SCML2: variants seen among roughly 807,000 people sequenced by gnomAD.
The protein encoded by SCML2 is sex comb on midleg-like protein 2.
Under a neutral mutation model 48.4 loss-of-function variants are expected in SCML2, and 6 were observed. The ratio of observed to expected loss-of-function variants is 0.12; its 90% CI spans 0.07 to 0.24. SCML2 has a LOEUF of 0.24. SCML2 is among the 10% of genes least tolerant of loss of function. The pLI, the probability that SCML2 is intolerant of heterozygous loss-of-function variation, is 1.00. For missense variants in SCML2, 377 were observed against 528.2 expected (o/e 0.71, Z 2.81); for synonymous variants, 181 against 189.5 (o/e 0.95, Z 0.37).
chrX:18,290,929 T>C (rs891447206), intron 7 of SCML2, among the ~76,000 whole-genome samples: 3 of 111,319 alleles, frequency 2.7e-5, no homozygotes, highest in African/African-American at 9.8e-5. Flanking sequence ...CTCCTATAAG[T>C]ATATATGCAC....
At chrX:18,267,243 G>T (rs774435881) in intron 7 of SCML2, among the ~76,000 whole-genome samples, 2 of 111,481 alleles carry the variant, frequency 1.8e-5, no homozygotes, top group Admixed American at 1.9e-4. Flanking sequence ...CAAACCAACT[G>T]ATCAGGCTTT....
At chrX:18,248,672 CTTTAG>C (rs1926538034) in intron 11 of SCML2, among the ~76,000 whole-genome samples, 1 of 111,848 alleles carries the variant, frequency 8.9e-6, no homozygotes, top group Non-Finnish European at 1.9e-5. Flanking sequence ...GCTCTTACCA[CTTTAG>C]TTTCATTTTT....
chrX:18,344,710 C>T (rs1266544499), intron 1 of SCML2, among the ~76,000 whole-genome samples: 1 of 111,663 alleles, frequency 9.0e-6, no homozygotes, highest in Non-Finnish European at 1.9e-5. Flanking sequence ...TGTGAGGCCT[C>T]CCTAGCTAGG....
chrX:18,246,069 G>C (rs759797025), intron 13 of SCML2, among the ~76,000 whole-genome samples: 6 of 112,151 alleles, frequency 5.3e-5, no homozygotes, highest in African/African-American at 1.9e-4. Flanking sequence ...ATGGCAACAG[G>C]ATATTGCCCT....
At chrX:18,351,552 T>C (rs1197908194) in intron 1 of SCML2, among the ~76,000 whole-genome samples, 2 of 108,922 alleles carry the variant, frequency 1.8e-5, no homozygotes, top group Non-Finnish European at 3.8e-5. Flanking sequence ...AATATGACTA[T>C]GAGGAGACAG....
intron 6 of SCML2, among the ~76,000 whole-genome samples, chrX:18,310,282 T>C (rs1422872019): frequency 1.0e-5 from 1 of 97,479 alleles, no homozygotes; most frequent in African/African-American, 3.8e-5. Flanking sequence ...TTTTTTTTTT[T>C]TTTGAGACGG....
chrX:18,289,559 A>G (rs1396227315), intron 7 of SCML2, among the ~76,000 whole-genome samples: 1 of 111,892 alleles, frequency 8.9e-6, no homozygotes, highest in African/African-American at 3.2e-5. Context: ...TTTATTCAGA[A>G]GCCTTCTAGT....
chrX:18,354,052 CA>C (rs1930459410), intron 1 of SCML2, among the ~76,000 whole-genome samples: 1 of 112,537 alleles, frequency 8.9e-6, no homozygotes, highest in African/African-American at 3.2e-5. Context: ...CCGGCGCCCC[CA>C]GCCCCCGCCA....
chrX:18,324,783 G>A (rs1347987844), intron 4 of SCML2, 124 bp downstream of exon 4: 3 of 468,107 alleles, frequency 6.4e-6, no homozygotes, highest in Non-Finnish European at 3.8e-6. Flanking sequence ...AGACCATCTG[G>A]CTCTTAAGAG....
At chrX:18,334,870 G>A (rs911807775) in intron 1 of SCML2, among the ~76,000 whole-genome samples, 1 of 112,242 alleles carries the variant, frequency 8.9e-6, no homozygotes, top group African/African-American at 3.2e-5. Context: ...AGAACATGAT[G>A]ATGTGTATAA....
intron 7 of SCML2, among the ~76,000 whole-genome samples, chrX:18,292,270 T>A (rs111283450): frequency 0.092 from 10,225 of 111,586 alleles, 504 homozygotes; most frequent in Middle Eastern, 0.16. Context: ...AGACCACTTG[T>A]CAGCCTTAAA....
chrX:18,331,020 G>A (rs1929637780), intron 2 of SCML2, among the ~76,000 whole-genome samples: 1 of 110,285 alleles, frequency 9.1e-6, no homozygotes, highest in Non-Finnish European at 1.9e-5. Context: ...AGCACTTGAG[G>A]AGGCCAAGGC....
chrX:18,264,417 T>C (rs1199316342), intron 8 of SCML2, among the ~76,000 whole-genome samples: 1 of 102,427 alleles, frequency 9.8e-6, no homozygotes, highest in Non-Finnish European at 2.0e-5. Context: ...AGATGGTCTT[T>C]TTAATCAGTA....
In SCML2 at chrX:18,305,088, G is replaced by A. The variant is rs1239669711; in HGVS notation, c.614C>T (p.Thr205Ile). 8.3e-7 allele frequency: 1 copy of A among 1,211,514 alleles called. No individual in the cohort carries two copies. The highest frequency in any genetic ancestry group is 2.2e-5 in the Admixed American group (1 of 45,947). Residue 205 changes from threonine (T) to isoleucine (I), a missense_variant, in exon 7 of 15, where the codon ACA (threonine) becomes ATA (isoleucine). By Grantham distance (89) the Thr-to-Ile change is moderately conservative (BLOSUM62 -1). Transcript: ENST00000251900. ...GDVKGDEVHI[T>I]FDGWSGAFDY... ...AAAAGCTCCACTCCAGCCATCAAATGTGATATGAACTTCATCCCCTTTAAC... is the reference window on the plus strand; with the variant it reads ...AAAAGCTCCACTCCAGCCATCAAATATGATATGAACTTCATCCCCTTTAAC...
chrX:18,340,154 C>G (rs754794325), intron 1 of SCML2, among the ~76,000 whole-genome samples: 47 of 112,280 alleles, frequency 4.2e-4, no homozygotes, highest in African/African-American at 1.5e-3. Context: ...GTGGCTCACA[C>G]CTGTAATCCC....
chrX:18,250,084 G>A (rs964208118), intron 11 of SCML2, among the ~76,000 whole-genome samples: 2 of 104,431 alleles, frequency 1.9e-5, no homozygotes, highest in African/African-American at 7.1e-5. Context: ...GCCATTATAT[G>A]ATTTTTAAAT....
At chrX:18,281,595 C>T (rs1229405943) in intron 7 of SCML2, among the ~76,000 whole-genome samples, 1 of 108,445 alleles carries the variant, frequency 9.2e-6, no homozygotes, top group African/African-American at 3.4e-5. Flanking sequence ...ACCTGTAATC[C>T]CAGCTACTCG....
At chrX:18,344,957 G>A (rs948375556) in intron 1 of SCML2, among the ~76,000 whole-genome samples, 1 of 111,373 alleles carries the variant, frequency 9.0e-6, no homozygotes, top group Non-Finnish European at 1.9e-5. Flanking sequence ...CTGAGCTCTT[G>A]CTATTAATGA....
intron 6 of SCML2, among the ~76,000 whole-genome samples, chrX:18,309,807 A>T (rs1928888537): frequency 9.0e-6 from 1 of 111,178 alleles, no homozygotes; most frequent in African/African-American, 3.3e-5. Context: ...GGATCAAAAA[A>T]CTACCTATCG....
Sources: allele counts gnomAD v4.1 joint callset (sites outside exome capture counted in the v4.1 genomes callset), GRCh38; gene constraint gnomAD v4.1.1; transcripts MANE v1.5; gene names NCBI Gene and HGNC (gene_info 2026-07-23, HGNC 2026-07-21).